FAM227B: variants seen among roughly 807,000 people sequenced by gnomAD.
FAM227B encodes the protein protein FAM227B.
In FAM227B, 88 loss-of-function variants were observed where a neutral mutation model predicts 73.8. That is an observed-to-expected ratio of 1.19 (90% CI 1.00 to 1.42). The LOEUF (loss-of-function observed/expected upper bound fraction) is 1.42, where lower values mean the gene tolerates loss of function less well. Ranked by LOEUF, FAM227B falls within the 40% of genes most tolerant of loss-of-function variation. The probability of loss-of-function intolerance (pLI) is 0.00; values close to 1 mark genes in which losing one functional copy is unlikely to be tolerated. For missense variants in FAM227B, 632 were observed against 590.9 expected (o/e 1.07, Z -0.72); for synonymous variants, 210 against 190.5 (o/e 1.10, Z -0.84).
At chr15:49,533,134 T>C (rs1477016356) in intron 10 of FAM227B, among the ~76,000 whole-genome samples, 2 of 151,984 alleles carry the variant, frequency 1.3e-5, no homozygotes, top group Non-Finnish European at 2.9e-5. Flanking sequence ...ATTTTCCTTT[T>C]GATTTCTTTC....
intron 13 of FAM227B, among the ~76,000 whole-genome samples, chr15:49,358,643 G>A (rs1446550611): frequency 4.0e-5 from 6 of 149,498 alleles, no homozygotes; most frequent in South Asian, 2.1e-4. Context: ...AATCAATATC[G>A]TGAAAATGGC....
intron 11 of FAM227B, among the ~76,000 whole-genome samples, chr15:49,448,117 GCTC>G (rs1281129865): frequency 2.0e-5 from 3 of 151,678 alleles, no homozygotes; most frequent in Non-Finnish European, 3.0e-5. Flanking sequence ...AACATATTAT[GCTC>G]CTATTTACAT....
In FAM227B at chr15:49,464,934, T is replaced by C. The variant is rs1229313517; in HGVS notation, c.1012+43277A>G. ...TACCTAAAAAACATTTTGGCTATCA[T>C]CTAGAATAATAAATGTTTATTAAGG... On this transcript the variant is annotated intron_variant, in intron 11 of 15. Coordinates refer to ENST00000299338, the MANE Select transcript of FAM227B (RefSeq NM_152647.3). 5.3e-5 allele frequency among the ~76,000 whole-genome samples: 8 copies of C among 152,292 alleles called. No homozygotes were observed. The East Asian group carries it at 1.5e-3, about 29-fold the overall frequency.
intron 11 of FAM227B, among the ~76,000 whole-genome samples, chr15:49,440,876 T>C (rs77278579): frequency 2.2e-3 from 335 of 151,884 alleles, no homozygotes; most frequent in African/African-American, 7.5e-3. Context: ...TTAAACATTC[T>C]AATATTTTAA....
In FAM227B at chr15:49,327,960, G is replaced by A. The variant is rs776896239; in HGVS notation, c.*608C>T. On this transcript the variant is annotated 3_prime_UTR_variant, in exon 16 of 16. Transcript: ENST00000299338. ...TTTCCTCACTGTTTTAGGAAGTTTG[G>A]GGCTCAAGGGTCACGACTTACTGGA... 9 of 1,607,096 alleles carry A rather than the reference G, an allele frequency of 5.6e-6. No individual in the cohort carries two copies. The highest frequency in any genetic ancestry group is 5.1e-5 in the Admixed American group (3 of 59,280).
chr15:49,345,457 T>A (rs1263316164), intron 13 of FAM227B, among the ~76,000 whole-genome samples: 2 of 152,276 alleles, frequency 1.3e-5, no homozygotes, highest in Non-Finnish European at 2.9e-5. Context: ...AGTGTGTTAA[T>A]GAATATCTTA....
intron 11 of FAM227B, among the ~76,000 whole-genome samples, chr15:49,438,972 A>C (rs1418227864): frequency 6.6e-6 from 1 of 151,692 alleles, no homozygotes; most frequent in African/African-American, 2.4e-5. Context: ...AGCTTAAAAC[A>C]GTATTTATTA....
rs1266225863 is a variant in FAM227B, at chr15:49,335,457, T to G, written c.1311A>C (p.Ala437=). Residue 437 remains alanine, a synonymous_variant, in exon 14 of 16, where the codon GCA becomes GCC. Coordinates refer to ENST00000299338, the MANE Select transcript of FAM227B (RefSeq NM_152647.3). ...TTTGGTTCCTTGCAAATTGTCTTTT[T>G]GCCTCCTTTATAACATCACGGTATG... The part of the protein sequence containing the change: ...APTYRDVIKE[A]KRQFARNQKD... 6.2e-7 allele frequency: 1 copy of G among 1,613,722 alleles called. No homozygotes were observed. Among genetic ancestry groups the G allele is most frequent in the Non-Finnish European group, 8.5e-7 (1 of 1,179,632 alleles).
rs771303406 is a variant in FAM227B, at chr15:49,328,631, C to T, written c.1464G>A (p.Ser488=). The T allele has an allele frequency of 1.0e-5, 16 of 1,580,924 alleles. No homozygotes were observed. Among genetic ancestry groups the T allele is most frequent in the African/African-American group, 6.7e-5 (5 of 74,510 alleles). The change falls in exon 16 of 16, where the codon TCG becomes TCA. Residue 488 remains serine, a synonymous_variant. Transcript: ENST00000299338. The stretch of plus-strand genomic sequence containing the variant: ...ATGATGGTGATGATGATGATGATGA[C>T]GATAGTGATGCCACACATTCTCTCT... ...EIERECVASL[S]SSSSSSPSST...
intron 11 of FAM227B, among the ~76,000 whole-genome samples, chr15:49,413,718 A>G (rs1023550594): frequency 6.6e-6 from 1 of 152,064 alleles, no homozygotes; most frequent in Non-Finnish European, 1.5e-5. Context: ...CTTTAATGTT[A>G]GTATCAACGC....
At chr15:49,492,328 GT>G (rs1318681273) in intron 11 of FAM227B, among the ~76,000 whole-genome samples, 6 of 151,842 alleles carry the variant, frequency 4.0e-5, no homozygotes, top group Non-Finnish European at 7.4e-5. Context: ...TGAAAGCTTA[GT>G]GTGTTCAGCA....
At chr15:49,331,741 G>A in intron 15 of FAM227B, 39 bp downstream of exon 15, 1 of 1,240,030 alleles carries the variant, frequency 8.1e-7, no homozygotes, top group Non-Finnish European at 1.2e-6. Context: ...AAAGAAGCTA[G>A]AGAGAGAATT....
At chr15:49,571,024 A>C (rs546017996) in intron 8 of FAM227B, among the ~76,000 whole-genome samples, 21 of 151,116 alleles carry the variant, frequency 1.4e-4, no homozygotes, top group African/African-American at 5.1e-4. Context: ...ATTGCAATTA[A>C]TGCTAAAATG....
At chr15:49,426,260 G>A (rs7162373) in intron 11 of FAM227B, among the ~76,000 whole-genome samples, 138,924 of 151,812 alleles carry the variant, frequency 0.92, 64,852 homozygotes, top group Non-Finnish European at 1. Context: ...ATTTTAAACC[G>A]CAGAATATAT....
chr15:49,385,997 T>C (rs180782694), intron 11 of FAM227B, among the ~76,000 whole-genome samples: 107 of 151,984 alleles, frequency 7.0e-4, no homozygotes, highest in African/African-American at 2.4e-3. Context: ...TCTACATTTA[T>C]AAAACAATCA....
chr15:49,528,234 A>G (rs2060351040), intron 10 of FAM227B, among the ~76,000 whole-genome samples: 1 of 151,912 alleles, frequency 6.6e-6, no homozygotes, highest in Non-Finnish European at 1.5e-5. Context: ...AAGTCAACAA[A>G]AGTAAACAAT....
intron 9 of FAM227B, among the ~76,000 whole-genome samples, chr15:49,547,218 C>T (rs1323031541): frequency 6.6e-6 from 1 of 152,092 alleles, no homozygotes; most frequent in Non-Finnish European, 1.5e-5. Context: ...ACTTTACAGA[C>T]AAGCAAATGC....
At chr15:49,484,074 T>C (rs1301698265) in intron 11 of FAM227B, among the ~76,000 whole-genome samples, 1 of 152,008 alleles carries the variant, frequency 6.6e-6, no homozygotes, top group Non-Finnish European at 1.5e-5. Flanking sequence ...AAGCTACACA[T>C]ATTTCATAAC....
chr15:49,611,072 C>T (rs2077880584), intron 3 of FAM227B, 143 bp downstream of exon 3: 1 of 527,804 alleles, frequency 1.9e-6, no homozygotes, highest in Non-Finnish European at 3.4e-6. Flanking sequence ...ACTCAAAGGA[C>T]ATAAGTATTT....
Sources: allele counts gnomAD v4.1 joint callset (sites outside exome capture counted in the v4.1 genomes callset), GRCh38; gene constraint gnomAD v4.1.1; transcripts MANE v1.5; gene names NCBI Gene and HGNC (gene_info 2026-07-23, HGNC 2026-07-21).